CAB39L: variants seen among roughly 807,000 people sequenced by gnomAD.
CAB39L encodes the protein calcium-binding protein 39-like.
Under a neutral mutation model 39.1 loss-of-function variants are expected in CAB39L, and 23 were observed. That is an observed-to-expected ratio of 0.59 (90% CI 0.42 to 0.83). The LOEUF (loss-of-function observed/expected upper bound fraction) is 0.83, where lower values mean the gene tolerates loss of function less well. CAB39L is among the 40% of genes least tolerant of loss of function. The pLI is 0.00. For missense variants in CAB39L, 366 were observed against 391.9 expected (o/e 0.93, Z 0.56); for synonymous variants, 126 against 137.2 (o/e 0.92, Z 0.57).
chr13:49,430,736 G>A (rs1957308626), intron 3 of CAB39L, among the ~76,000 whole-genome samples: 1 of 152,206 alleles, frequency 6.6e-6, no homozygotes, highest in Admixed American at 6.5e-5. Flanking sequence ...GGGTCTGGAT[G>A]TTTCTGATCT....
intron 3 of CAB39L, among the ~76,000 whole-genome samples, chr13:49,408,198 A>G (rs1487166881): frequency 6.6e-6 from 1 of 152,214 alleles, no homozygotes; most frequent in Non-Finnish European, 1.5e-5. Flanking sequence ...TTGGCAACTG[A>G]AAAAATATGG....
Position 49,436,553 on chromosome 13 carries a change from C to CTTTTTTTTTTTTTTTTTTTTTTTTT in CAB39L, c.-245-2355_-245-2331dup. On this transcript the variant is annotated intron_variant, in intron 1 of 10. Coordinates refer to ENST00000409308, the MANE Select transcript of CAB39L (RefSeq NM_001079670.3). ...TTTAGCTTCATTTCTTTCTTTATGA[C>CTTTTTTTTTTTTTTTTTTTTTTTTT]TTTTTTTTTTTTTTTTTTTTTTTTT... Among the ~76,000 whole-genome samples, 2 of 73,428 alleles carry CTTTTTTTTTTTTTTTTTTTTTTTTT rather than the reference C, an allele frequency of 2.7e-5. 1 individual carries two copies. The highest frequency in any genetic ancestry group is 4.7e-5 in the Non-Finnish European group (2 of 42,614). The allele number at this position is 73,428 out of a possible 152,430, so 48.2% of individuals were successfully genotyped here. A position where few individuals can be genotyped will look rare whatever the true frequency, so the allele number is the denominator to read the frequency against.
In CAB39L at chr13:49,440,504, T is replaced by C. The variant is rs564167738; in HGVS notation, c.-246+3482A>G. On this transcript the variant is annotated intron_variant, in intron 1 of 10. Coordinates refer to ENST00000409308, the MANE Select transcript of CAB39L (RefSeq NM_001079670.3). ...CCATGCTTTTTTGGTTACTGTAGCC[T>C]CAAAGTATAATTTGAAACAAGCTAC... Among the ~76,000 whole-genome samples, 8 of 152,140 alleles carry C rather than the reference T, an allele frequency of 5.3e-5. No homozygotes were observed. The South Asian group carries it at 1.2e-3, about 24-fold the overall frequency.
rs1179402720 is a variant in CAB39L at position 49,371,600 on chromosome 13, A to AT, written c.276+5366dup. Among the ~76,000 whole-genome samples, 344 of 150,724 alleles carry AT rather than the reference A, an allele frequency of 2.3e-3. 2 individuals are homozygous for AT. Among genetic ancestry groups the AT allele is most frequent in the African/African-American group, 7.8e-3 (319 of 41,054 alleles). On this transcript the variant is annotated intron_variant, in intron 5 of 10. Coordinates refer to ENST00000409308, the MANE Select transcript of CAB39L (RefSeq NM_001079670.3). ...TTGATCCTGGAGTGTTTGTTTTGCT[A>AT]TTTTTTTTTCTTTTGAGACAGGGTC...
chr13:49,319,030 G>T (rs1264227698), intron 10 of CAB39L, among the ~76,000 whole-genome samples: 2 of 152,122 alleles, frequency 1.3e-5, no homozygotes, highest in Non-Finnish European at 2.9e-5. Context: ...GATCACTTGA[G>T]GTCAGGGGTT....
chr13:49,429,233 C>A (rs568418655), intron 3 of CAB39L, among the ~76,000 whole-genome samples: 1 of 152,144 alleles, frequency 6.6e-6, no homozygotes, highest in Non-Finnish European at 1.5e-5. Context: ...GTAGCTGGCC[C>A]TACAGGCATG....
intron 5 of CAB39L, among the ~76,000 whole-genome samples, chr13:49,369,354 C>T (rs1422548274): frequency 6.6e-6 from 1 of 152,192 alleles, no homozygotes; most frequent in Non-Finnish European, 1.5e-5. Flanking sequence ...TGTGGTCCAT[C>T]CATGCAATGG....
At chr13:49,311,125 C>T (rs1953976488) in intron 10 of CAB39L, 132 bp from the exon 11 acceptor site, 1 of 723,022 alleles carries the variant, frequency 1.4e-6, no homozygotes. Context: ...TGCGTAGAAG[C>T]CCCTGACTCT....
chr13:49,334,721 C>T (rs1313818422), intron 9 of CAB39L, among the ~76,000 whole-genome samples: 1 of 152,182 alleles, frequency 6.6e-6, no homozygotes, highest in African/African-American at 2.4e-5. Flanking sequence ...GTCCTACCCA[C>T]ATATCCAGAG....
At chr13:49,356,573 T>C (rs946289065) in intron 6 of CAB39L, among the ~76,000 whole-genome samples, 5 of 152,242 alleles carry the variant, frequency 3.3e-5, no homozygotes, top group African/African-American at 1.2e-4. Flanking sequence ...AATTGCTTTT[T>C]GTCTTATATT....
rs375726908 is a variant in CAB39L at position 49,337,101 on chromosome 13, G to A, written c.690+2576C>T. Among the ~76,000 whole-genome samples the A allele has an allele frequency of 5.3e-4, 81 of 152,314 alleles. 11 individuals carry two copies. Among genetic ancestry groups the A allele is most frequent in the Admixed American group, 3.2e-3 (49 of 15,302 alleles). On this transcript the variant is annotated intron_variant, in intron 9 of 10. Coordinates refer to ENST00000409308, the MANE Select transcript of CAB39L (RefSeq NM_001079670.3). ...ACCAGGTCATGGCTGATGCAGGATC[G>A]TGGGCAAAGTAAATTGACAAAAAAT...
rs940860364 is a variant in CAB39L, at chr13:49,434,093, T to C, written c.-115A>G. 4.4e-6 allele frequency: 2 copies of C among 451,012 alleles called. No individual in the cohort carries two copies. The highest frequency in any genetic ancestry group is 2.0e-5 in the African/African-American group (1 of 49,748). 27.9% of individuals were successfully genotyped at this position (451,012 alleles called of 1,614,324 possible). A position where few individuals can be genotyped will look rare whatever the true frequency, so the allele number is the denominator to read the frequency against. ...AAATAAGAGAAAACTTACGCTTCTC[T>C]CCTTTAGTGCATTGCTCTTGCATGA... On this transcript the variant is annotated 5_prime_UTR_variant, in exon 2 of 11. Transcript: ENST00000409308.
At chr13:49,346,277 T>C (rs1302684134) in intron 7 of CAB39L, among the ~76,000 whole-genome samples, 8 of 146,152 alleles carry the variant, frequency 5.5e-5, no homozygotes, top group Admixed American at 2.1e-4. Flanking sequence ...CACAGGCTTA[T>C]GTACACATAA....
chr13:49,344,975 T>C (rs1207869046), intron 7 of CAB39L, among the ~76,000 whole-genome samples: 3 of 152,166 alleles, frequency 2.0e-5, no homozygotes, highest in Non-Finnish European at 4.4e-5. Flanking sequence ...AGATATAAAC[T>C]TGCAGAAAAC....
chr13:49,377,844 T>A (rs1264916452), intron 4 of CAB39L, among the ~76,000 whole-genome samples: 6 of 76,830 alleles, frequency 7.8e-5, no homozygotes, highest in African/African-American at 3.0e-4. Context: ...CCCCTCTGCC[T>A]GGCTGCCCAG....
intron 3 of CAB39L, among the ~76,000 whole-genome samples, chr13:49,399,930 T>C (rs886231220): frequency 1.3e-5 from 2 of 152,040 alleles, no homozygotes; most frequent in Non-Finnish European, 2.9e-5. Context: ...CACAGACCAG[T>C]TGAGCTGCTT....
At chr13:49,439,676 C>T (rs1957472914) in intron 1 of CAB39L, among the ~76,000 whole-genome samples, 1 of 152,188 alleles carries the variant, frequency 6.6e-6, no homozygotes, top group Admixed American at 6.5e-5. Flanking sequence ...TCCACAGTGG[C>T]TGAACTAATT....
At chr13:49,359,870 T>C (rs1263934041) in intron 5 of CAB39L, 38 bp from the exon 6 acceptor site, 1 of 1,093,008 alleles carries the variant, frequency 9.1e-7, no homozygotes, top group East Asian at 2.4e-5. Flanking sequence ...TTGTACACTC[T>C]AAATGGATGA....
chr13:49,370,299 T>C (rs1444054882), intron 5 of CAB39L, among the ~76,000 whole-genome samples: 1 of 152,190 alleles, frequency 6.6e-6, no homozygotes, highest in Non-Finnish European at 1.5e-5. Flanking sequence ...ATGAAATCCA[T>C]CTGTGGGAAT....
Sources: gnomAD v4.1 joint callset for allele counts (sites outside exome capture counted in the v4.1 genomes callset) on GRCh38, gnomAD v4.1.1 for gene constraint, MANE v1.5 for transcripts, NCBI Gene and HGNC (gene_info 2026-07-23, HGNC 2026-07-21) for gene names.